PDGFD: variants seen among roughly 807,000 people sequenced by gnomAD.
The protein encoded by PDGFD is platelet derived growth factor D, also known as platelet-derived growth factor D.
A neutral mutation model predicts 44.7 loss-of-function variants in PDGFD; 30 were observed. The observed-to-expected ratio is 0.67, with a 90% CI of 0.50 to 0.91. The LOEUF (loss-of-function observed/expected upper bound fraction) is 0.91, where lower values mean the gene tolerates loss of function less well. Ranked by LOEUF, PDGFD falls within the 40% of genes least tolerant of loss-of-function variation. PDGFD has a pLI of 0.00. For missense variants in PDGFD, 445 were observed against 457.8 expected, an observed-to-expected ratio of 0.97 and a Z score of 0.25; for synonymous variants, 173 against 168.4, an observed-to-expected ratio of 1.03 and a Z score of -0.21.
intron 3 of PDGFD, among the ~76,000 whole-genome samples, chr11:103,965,146 C>G (rs138960417): frequency 6.6e-6 from 1 of 152,198 alleles, no homozygotes; most frequent in African/African-American, 2.4e-5. Context: ...TATACAGCCA[C>G]TGAACAACAT....
rs534912714 is a variant in PDGFD, at chr11:103,974,589, G to A, written c.510+21476C>T. On this transcript the variant is annotated intron_variant, in intron 3 of 6. Transcript: ENST00000393158. Reference sequence around the variant, plus strand: ...ACTCATCATCTAGGTTTTAAGCCCCGCGTGCATTAGGTATTTGTCCTAATG... The same window carrying A: ...ACTCATCATCTAGGTTTTAAGCCCCACGTGCATTAGGTATTTGTCCTAATG... 1.7e-3 allele frequency among the ~76,000 whole-genome samples: 265 copies of A among 152,044 alleles called. 1 individual carries two copies. Among genetic ancestry groups the A allele is most frequent in the African/African-American group, 4.7e-3 (193 of 41,476 alleles).
At chr11:104,154,077 T>A (rs1480142590) in intron 1 of PDGFD, among the ~76,000 whole-genome samples, 3 of 152,184 alleles carry the variant, frequency 2.0e-5, no homozygotes, top group Non-Finnish European at 4.4e-5. Flanking sequence ...ACCCCTTTAT[T>A]TTAAAAATAT....
chr11:104,095,256 T>C (rs903528141), intron 1 of PDGFD, among the ~76,000 whole-genome samples: 3 of 152,180 alleles, frequency 2.0e-5, no homozygotes, highest in Non-Finnish European at 4.4e-5. Flanking sequence ...CCAACTAAAC[T>C]ATAATCTCCA....
At chr11:104,095,191 TTG>T (rs1234270334) in intron 1 of PDGFD, among the ~76,000 whole-genome samples, 1 of 152,138 alleles carries the variant, frequency 6.6e-6, no homozygotes, top group East Asian at 1.9e-4. Context: ...TCTTCCCTTA[TTG>T]AAATATATTT....
intron 1 of PDGFD, among the ~76,000 whole-genome samples, chr11:104,090,513 C>T (rs1861197190): frequency 6.6e-6 from 1 of 150,452 alleles, no homozygotes; most frequent in Non-Finnish European, 1.5e-5. Flanking sequence ...CCTGTAGTCC[C>T]AGCTACTCAG....
At chr11:104,085,552 T>C (rs1174962871) in intron 1 of PDGFD, among the ~76,000 whole-genome samples, 1 of 152,148 alleles carries the variant, frequency 6.6e-6, no homozygotes, top group Non-Finnish European at 1.5e-5. Context: ...TTTTCCACGT[T>C]AGAAATTCAA....
intron 6 of PDGFD, among the ~76,000 whole-genome samples, chr11:103,913,153 A>G (rs1858057794): frequency 6.7e-6 from 1 of 148,222 alleles, no homozygotes; most frequent in South Asian, 2.2e-4. Flanking sequence ...AAGCGGACCT[A>G]ATAGATATCT....
chr11:103,910,055 C>T (rs529628351), intron 6 of PDGFD, among the ~76,000 whole-genome samples: 44 of 151,560 alleles, frequency 2.9e-4, no homozygotes, highest in African/African-American at 1.0e-3. Context: ...CATAACTTAC[C>T]TGAAGTACCC....
intron 1 of PDGFD, among the ~76,000 whole-genome samples, chr11:104,130,182 G>A (rs919864454): frequency 6.6e-6 from 1 of 152,108 alleles, no homozygotes; most frequent in African/African-American, 2.4e-5. Context: ...AGAATACAAG[G>A]GGTATATGAT....
intron 1 of PDGFD, among the ~76,000 whole-genome samples, chr11:104,109,060 G>C (rs1318680659): frequency 7.1e-6 from 1 of 140,074 alleles, no homozygotes; most frequent in Non-Finnish European, 1.5e-5. Context: ...GTGGGGTGGA[G>C]GGAGGGGGGA....
chr11:103,952,990 GA>G (rs1858781237), intron 3 of PDGFD, among the ~76,000 whole-genome samples: 1 of 152,124 alleles, frequency 6.6e-6, no homozygotes, highest in Non-Finnish European at 1.5e-5. Context: ...TTACAGACTC[GA>G]AAGTTAGGGA....
At chr11:103,969,542 A>T (rs1245415056) in intron 3 of PDGFD, among the ~76,000 whole-genome samples, 1 of 148,932 alleles carries the variant, frequency 6.7e-6, no homozygotes. Context: ...AATGTTAAAA[A>T]GTCCTGGGTA....
At chr11:103,917,075 T>A (rs1858138338) in intron 6 of PDGFD, among the ~76,000 whole-genome samples, 2 of 151,942 alleles carry the variant, frequency 1.3e-5, no homozygotes, top group African/African-American at 4.8e-5. Flanking sequence ...ACCCCACAAC[T>A]TAAAGTATTA....
chr11:103,942,960 T>G (rs746320680), intron 5 of PDGFD, among the ~76,000 whole-genome samples: 4 of 152,170 alleles, frequency 2.6e-5, no homozygotes, highest in Admixed American at 6.6e-5. Context: ...ATAATTTTTA[T>G]AAGATCTCAT....
intron 1 of PDGFD, among the ~76,000 whole-genome samples, chr11:104,048,970 C>T (rs1240410644): frequency 6.6e-6 from 1 of 152,138 alleles, no homozygotes; most frequent in Non-Finnish European, 1.5e-5. Flanking sequence ...AAGAATTAAA[C>T]AACATCTCCA....
intron 1 of PDGFD, among the ~76,000 whole-genome samples, chr11:104,049,133 T>C (rs180907751): frequency 2.6e-4 from 39 of 152,246 alleles, no homozygotes; most frequent in Non-Finnish European, 4.4e-4. Context: ...TAAATAAATA[T>C]ATCATTTCAG....
chr11:103,943,429 A>G, intron 5 of PDGFD, 23 bp downstream of exon 5: 3 of 1,593,996 alleles, frequency 1.9e-6, no homozygotes, highest in South Asian at 2.2e-5. Flanking sequence ...CTTATGAAGA[A>G]TGTACAAGTG....
At chr11:104,100,333 C>A (rs1861356055) in intron 1 of PDGFD, among the ~76,000 whole-genome samples, 1 of 152,186 alleles carries the variant, frequency 6.6e-6, no homozygotes. Flanking sequence ...ACACTATAAA[C>A]ACGTCTACGC....
chr11:103,954,284 A>T (rs1858803915), intron 3 of PDGFD, among the ~76,000 whole-genome samples: 1 of 152,222 alleles, frequency 6.6e-6, no homozygotes, highest in Non-Finnish European at 1.5e-5. Flanking sequence ...CCACGTACTG[A>T]GCACCAGCAA....
Sources: gnomAD v4.1 joint callset for allele counts (sites outside exome capture counted in the v4.1 genomes callset) on GRCh38, gnomAD v4.1.1 for gene constraint, MANE v1.5 for transcripts, NCBI Gene and HGNC (gene_info 2026-07-23, HGNC 2026-07-21) for gene names.